Variants in PRKG1 observed in about 807,000 individuals in gnomAD.
PRKG1 encodes the protein cGMP-dependent protein kinase 1.
PRKG1 carries 35 observed loss-of-function variants against 88.1 expected under a neutral mutation model. The observed-to-expected ratio is 0.40, with a 90% CI of 0.30 to 0.53. The LOEUF (loss-of-function observed/expected upper bound fraction) is 0.53, where lower values mean the gene tolerates loss of function less well. Among genes scored for constraint, PRKG1 ranks in the 20% least tolerant of loss-of-function variants. PRKG1 has a pLI of 0.59. For missense variants in PRKG1, 540 were observed against 839.8 expected, an observed-to-expected ratio of 0.64 and a Z score of 4.41; for synonymous variants, 303 against 292.5, an observed-to-expected ratio of 1.04 and a Z score of -0.37.
rs1023411633 is a variant in PRKG1, at chr10:51,818,901, G to C, written c.698+14211G>C. Reference sequence around the variant, plus strand: ...GGGCGCCTGTAGTCCCAGCTACTTGGGAGGCTGAGGCAGGAGAATGGCGTG... The same window carrying C: ...GGGCGCCTGTAGTCCCAGCTACTTGCGAGGCTGAGGCAGGAGAATGGCGTG... On this transcript the variant is annotated intron_variant, in intron 4 of 17. Coordinates refer to ENST00000373980, the MANE Select transcript of PRKG1 (RefSeq NM_006258.4). Among the ~76,000 whole-genome samples, 2 of 127,368 alleles carry C rather than the reference G, an allele frequency of 1.6e-5. 1 individual carries two copies. The highest frequency in any genetic ancestry group is 7.9e-5 in the African/African-American group (2 of 25,278). 83.6% of individuals were successfully genotyped at this position (127,368 alleles called of 152,430 possible). A position where few individuals can be genotyped will look rare whatever the true frequency, so the allele number is the denominator to read the frequency against.
intron 3 of PRKG1, among the ~76,000 whole-genome samples, chr10:51,498,812 A>G (rs1042268780): frequency 6.6e-6 from 1 of 152,130 alleles, no homozygotes. Context: ...TCTGCATTAC[A>G]GCAGTAGATG....
chr10:51,494,735 A>C (rs1840804577), intron 3 of PRKG1, among the ~76,000 whole-genome samples: 1 of 152,230 alleles, frequency 6.6e-6, no homozygotes, highest in African/African-American at 2.4e-5. Flanking sequence ...GTTTCAGTAG[A>C]CTTCAAAACA....
intron 1 of PRKG1, among the ~76,000 whole-genome samples, chr10:51,144,011 C>G (rs1230764569): frequency 6.6e-6 from 1 of 151,756 alleles, no homozygotes; most frequent in Admixed American, 6.6e-5. Context: ...TTGCTGCCTG[C>G]GATTTTGAGG....
intron 5 of PRKG1, among the ~76,000 whole-genome samples, chr10:51,941,518 T>C (rs1368147004): frequency 6.6e-6 from 1 of 151,898 alleles, no homozygotes; most frequent in Non-Finnish European, 1.5e-5. Context: ...TAGTTACATA[T>C]GTATACATGT....
chr10:51,527,377 G>A (rs1841908219), intron 3 of PRKG1, among the ~76,000 whole-genome samples: 1 of 151,950 alleles, frequency 6.6e-6, no homozygotes, highest in East Asian at 1.9e-4. Context: ...TAATCAAATT[G>A]TCAAATTATC....
chr10:50,991,789 G>A lies in PRKG1; in HGVS notation c.266+145G>A. On this transcript the variant is annotated intron_variant, in intron 1 of 17. Transcript: ENST00000401604. This position sits in a 1 kb window ranked among gnomAD's most constrained non-coding sequence, Gnocchi z 4.5. ...CGGAGTGGGGGTGGCCCCGCGGCCCGGGAATGGGAAGTGTTTATTTTTATT... is the reference window on the plus strand; with the variant it reads ...CGGAGTGGGGGTGGCCCCGCGGCCCAGGAATGGGAAGTGTTTATTTTTATT... 1.9e-6 allele frequency: 1 copy of A among 515,124 alleles called. No homozygotes were observed. The highest frequency in any genetic ancestry group is 2.5e-6 in the Non-Finnish European group (1 of 396,154). The allele number at this position is 515,124 out of a possible 1,614,324, so 31.9% of individuals were successfully genotyped here. A position where few individuals can be genotyped will look rare whatever the true frequency, so the allele number is the denominator to read the frequency against.
intron 3 of PRKG1, among the ~76,000 whole-genome samples, chr10:51,587,787 C>G (rs1321747019): frequency 6.6e-6 from 1 of 152,182 alleles, no homozygotes; most frequent in African/African-American, 2.4e-5. Flanking sequence ...CAAAGTATCT[C>G]TGAGCCTCAA....
intron 2 of PRKG1, among the ~76,000 whole-genome samples, chr10:51,354,859 C>CA (rs1211720938): frequency 6.6e-6 from 1 of 151,986 alleles, no homozygotes. Context: ...TTAAAGATAT[C>CA]AAAAAACAGA....
At chr10:51,086,606 C>T (rs1023001147) in intron 1 of PRKG1, among the ~76,000 whole-genome samples, 7 of 152,236 alleles carry the variant, frequency 4.6e-5, no homozygotes, top group African/African-American at 1.7e-4. Flanking sequence ...GTTTAAGCAA[C>T]TCACCCCCTT....
At chr10:51,679,701 G>GA (rs1840795572) in intron 3 of PRKG1, among the ~76,000 whole-genome samples, 1 of 114,562 alleles carries the variant, frequency 8.7e-6, no homozygotes, top group Non-Finnish European at 1.9e-5. Flanking sequence ...TGGGGGCAGG[G>GA]AACTTTTTTT....
intron 1 of PRKG1, among the ~76,000 whole-genome samples, chr10:51,061,852 G>T (rs1417994484): frequency 6.6e-6 from 1 of 152,018 alleles, no homozygotes; most frequent in Non-Finnish European, 1.5e-5. Flanking sequence ...ACCAACATTT[G>T]TATCACATTT....
intron 4 of PRKG1, among the ~76,000 whole-genome samples, chr10:51,817,978 T>C (rs947733418): frequency 9.9e-5 from 15 of 152,162 alleles, no homozygotes; most frequent in African/African-American, 3.6e-4. Flanking sequence ...TTTAAACTGG[T>C]ATATTCTGCT....
intron 2 of PRKG1, among the ~76,000 whole-genome samples, chr10:51,257,734 T>A (rs1839602070): frequency 6.6e-6 from 1 of 152,112 alleles, no homozygotes; most frequent in Non-Finnish European, 1.5e-5. Flanking sequence ...CAGGATTCAG[T>A]CTGCCAGGAA....
chr10:51,192,142 A>T (rs1837647260), intron 2 of PRKG1, among the ~76,000 whole-genome samples: 1 of 146,910 alleles, frequency 6.8e-6, no homozygotes, highest in Admixed American at 6.8e-5. Context: ...TACTTCATTA[A>T]AAAAAAAAAT....
At chr10:52,020,845 A>G (rs945667962) in intron 5 of PRKG1, among the ~76,000 whole-genome samples, 2 of 151,740 alleles carry the variant, frequency 1.3e-5, no homozygotes, top group African/African-American at 2.4e-5. Context: ...CCAGTACCTG[A>G]GATTTTATTG....
chr10:51,150,661 C>T (rs1564618736), intron 1 of PRKG1, among the ~76,000 whole-genome samples: 1 of 152,084 alleles, frequency 6.6e-6, no homozygotes, highest in Admixed American at 6.6e-5. Flanking sequence ...AGTGACACAA[C>T]AGCCTATATG....
intron 1 of PRKG1, among the ~76,000 whole-genome samples, chr10:50,996,613 C>T (rs749190817): frequency 4.6e-5 from 7 of 152,196 alleles, no homozygotes; most frequent in Non-Finnish European, 1.0e-4. Context: ...TTCTTCCTTC[C>T]TCATCCAACT....
rs377037718 is a variant in PRKG1, at chr10:52,289,025, G to A, written c.1895+32G>A. The A allele has an allele frequency of 1.2e-5, 19 of 1,563,554 alleles. No homozygotes were observed. The African/African-American group carries it at 1.5e-4, about 12-fold the overall frequency. On this transcript the variant is annotated intron_variant, in intron 16 of 17. Coordinates refer to ENST00000373980, the MANE Select transcript of PRKG1 (RefSeq NM_006258.4). ...GTTCTTTCTGCAGAGTTCTGAACAC[G>A]TGACATCATTTCCCCAGGGTGTTGC...
At chr10:51,119,053 A>G (rs1156422075) in intron 1 of PRKG1, among the ~76,000 whole-genome samples, 2 of 152,114 alleles carry the variant, frequency 1.3e-5, no homozygotes, top group African/African-American at 4.8e-5. Flanking sequence ...CCTTAGAATA[A>G]TTCTTCATTT....
Sources: gnomAD v4.1 joint callset for allele counts (sites outside exome capture counted in the v4.1 genomes callset) on GRCh38, gnomAD v4.1.1 for gene constraint, Gnocchi (gnomAD v3.1) non-coding constraint, MANE v1.5 for transcripts, NCBI Gene and HGNC (gene_info 2026-07-23, HGNC 2026-07-21) for gene names.